ABCA9: variants seen among roughly 807,000 people sequenced by gnomAD.
ABCA9 encodes the protein ATP-binding cassette sub-family A member 9.
ABCA9 carries 183 observed loss-of-function variants against 205.3 expected under a neutral mutation model. The observed-to-expected ratio is 0.89, with a 90% CI of 0.79 to 1.01. ABCA9 has a LOEUF of 1.01. Among genes scored for constraint, ABCA9 ranks in the 50% least tolerant of loss-of-function variants. ABCA9 has a pLI of 0.00. For missense variants in ABCA9, 1,805 were observed against 1,912.4 expected (o/e 0.94, Z 1.05); for synonymous variants, 651 against 683.3 (o/e 0.95, Z 0.74).
chr17:69,026,262 T>A lies in ABCA9; in HGVS notation c.2141+115A>T. ...AATTATGCCTTAGTTCTACCATAGC[T>A]CCCTTGAAATGAACTTAGTGGTTAT... On this transcript the variant is annotated intron_variant, in intron 16 of 38. Transcript: ENST00000340001. 4.0e-6 allele frequency: 3 copies of A among 754,404 alleles called. 1 individual carries two copies. Among genetic ancestry groups the A allele is most frequent in the Non-Finnish European group, 4.4e-6 (2 of 452,294 alleles). 46.7% of individuals were successfully genotyped at this position (754,404 alleles called of 1,614,324 possible). A position where few individuals can be genotyped will look rare whatever the true frequency, so the allele number is the denominator to read the frequency against.
At position 69,049,572 on chromosome 17, in the gene ABCA9, T is replaced by C. The variant is rs1026675148; in HGVS notation, c.97-82A>G. The C allele has an allele frequency of 2.7e-6, 3 of 1,117,104 alleles. No homozygotes were observed. The African/African-American group carries it at 4.8e-5, about 18-fold the overall frequency. 69.2% of individuals were successfully genotyped at this position (1,117,104 alleles called of 1,614,324 possible). On this transcript the variant is annotated intron_variant, in intron 2 of 38. Coordinates refer to ENST00000340001, the MANE Select transcript of ABCA9 (RefSeq NM_080283.4). Reference sequence around the variant, plus strand: ...ATCATCCACAAACAGTTTGAAATACTTAATTCTGTTATTTGGCTTGCATTC... The same window carrying C: ...ATCATCCACAAACAGTTTGAAATACCTAATTCTGTTATTTGGCTTGCATTC...
At chr17:69,040,804 T>C (rs1598403990) in intron 6 of ABCA9, among the ~76,000 whole-genome samples, 2 of 150,084 alleles carry the variant, frequency 1.3e-5, no homozygotes, top group East Asian at 3.9e-4. Context: ...GATAATTAGA[T>C]ATAGATACAC....
At chr17:69,045,956 A>T (rs1165889815) in intron 3 of ABCA9, among the ~76,000 whole-genome samples, 1 of 152,182 alleles carries the variant, frequency 6.6e-6, no homozygotes, top group Non-Finnish European at 1.5e-5. Flanking sequence ...TCAAACAATA[A>T]TTTAACGCAC....
chr17:68,999,703 C>T (rs1235054049), intron 25 of ABCA9, among the ~76,000 whole-genome samples: 1 of 152,184 alleles, frequency 6.6e-6, no homozygotes, highest in Non-Finnish European at 1.5e-5. Context: ...AATCGCCACA[C>T]TGACTTCCAC....
chr17:68,993,362 A>G (rs2069517202), intron 26 of ABCA9, among the ~76,000 whole-genome samples: 1 of 152,198 alleles, frequency 6.6e-6, no homozygotes. Context: ...GATCCTTTGA[A>G]GCAATGCCAA....
At chr17:69,043,309 A>C in intron 6 of ABCA9, 180 bp downstream of exon 6, 1 of 544,986 alleles carries the variant, frequency 1.8e-6, no homozygotes, top group Non-Finnish European at 3.2e-6. Context: ...CTGTAAATAT[A>C]CATGAAGCTT....
upstream of ABCA9, among the ~76,000 whole-genome samples, chr17:69,065,470 A>AT (rs755370419): frequency 2.7e-4 from 40 of 150,810 alleles, no homozygotes; most frequent in South Asian, 6.3e-4. Context: ...ATGTACAAGA[A>AT]TTTTTTTTTT....
At position 69,027,575 on chromosome 17, in the gene ABCA9, C is replaced by A. The variant is rs923817639; in HGVS notation, c.1791+65G>T. The A allele has an allele frequency of 6.9e-5, 109 of 1,577,562 alleles. No individual in the cohort carries two copies. The African/African-American group carries it at 1.2e-3, about 17-fold the overall frequency. ...AGATGAGGAATTATGTATAACTTAG[C>A]ACAATATTTTCTAGATAAACCGTCT... is the stretch of plus-strand genomic sequence containing the variant. On this transcript the variant is annotated intron_variant, in intron 13 of 38. Coordinates refer to ENST00000340001, the MANE Select transcript of ABCA9 (RefSeq NM_080283.4).
Position 69,028,548 on chromosome 17 carries a change from T to C in ABCA9, c.1602A>G (p.Ser534=). ...TTLLNILSGL[S]VPTSGSVTVY... ...CTGTCTTCTTACCTGATGTTGGAAC[T>C]GACAACCCACTAAGTATGTTTAACA... is the stretch of plus-strand genomic sequence containing the variant. Residue 534 remains serine (S), a synonymous_variant, in exon 12 of 39, where the codon TCA becomes TCG. Transcript: ENST00000340001. 6.2e-7 allele frequency: 1 copy of C among 1,602,968 alleles called. No homozygotes were observed. The highest frequency in any genetic ancestry group is 2.2e-5 in the East Asian group (1 of 44,548).
Position 69,049,383 on chromosome 17 carries a change from T to C in ABCA9, c.204A>G (p.Val68=), listed in dbSNP as rs1434828616. 2 of 1,612,996 alleles carry C rather than the reference T, an allele frequency of 1.2e-6. No homozygotes were observed. Among genetic ancestry groups the C allele is most frequent in the Non-Finnish European group, 1.7e-6 (2 of 1,179,246 alleles). Residue 68 remains valine (V), a synonymous_variant, in exon 3 of 39, where the codon GTA becomes GTG. Transcript: ENST00000340001. ...PQMSSMDLGR[V]DSFNDTNYVI... ...CATAATTAGTATCATTAAAACTATC[T>C]ACACGTCCCAGATCCATTGAAGACA...
chr17:69,063,285 T>C (rs1390087658), upstream of ABCA9, among the ~76,000 whole-genome samples: 1 of 152,228 alleles, frequency 6.6e-6, no homozygotes, highest in Admixed American at 6.5e-5. Context: ...AGAAACCTTA[T>C]AAATTTCATG....
At position 69,018,537 on chromosome 17, in the gene ABCA9, T is replaced by C. The variant is rs2070712637; in HGVS notation, c.2643A>G (p.Glu881=). 3 of 1,603,602 alleles carry C rather than the reference T, an allele frequency of 1.9e-6. No homozygotes were observed. The highest frequency in any genetic ancestry group is 2.6e-6 in the Non-Finnish European group (3 of 1,176,352). The change falls in exon 20 of 39, where the codon GAA becomes GAG. Residue 881 remains glutamate (E), a synonymous_variant. Transcript: ENST00000340001. ...TCTGATATGACTCGTAGAATAGATG[T>C]TCCAAAAGTTGAGGGATAAAGCTAA... ...FGISFIPQLL[E]HLFYESYQKS...
intron 1 of ABCA9, among the ~76,000 whole-genome samples, chr17:69,056,116 A>G (rs1014912401): frequency 1.3e-5 from 2 of 152,166 alleles, no homozygotes; most frequent in African/African-American, 4.8e-5. Context: ...TTAGAAAAAG[A>G]AAAGCAAATT....
In ABCA9 at chr17:69,004,190, C is replaced by T. The variant is rs556418349; in HGVS notation, c.3435+3569G>A. Among the ~76,000 whole-genome samples, 22 of 152,256 alleles carry T rather than the reference C, an allele frequency of 1.4e-4. No individual in the cohort carries two copies. The East Asian group carries it at 2.5e-3, about 17-fold the overall frequency. On this transcript the variant is annotated intron_variant, in intron 25 of 38. Transcript: ENST00000340001. ...CTGCACTCCTTTGGAGGAGGAGAGG[C>T]GCTCTGATTTTTAGAGTTTCCAGTT... is the stretch of plus-strand genomic sequence containing the variant.
intron 22 of ABCA9, among the ~76,000 whole-genome samples, chr17:69,014,925 G>A (rs1211274089): frequency 6.6e-6 from 1 of 152,102 alleles, no homozygotes; most frequent in African/African-American, 2.4e-5. Flanking sequence ...GAAGGGTCTG[G>A]GGCCAAGCTA....
Position 69,027,747 on chromosome 17 carries a change from C to T in ABCA9, c.1684G>A (p.Gly562Arg). Residue 562 changes from glycine to arginine, a missense_variant, in exon 13 of 39, where the codon GGA becomes AGA. Coordinates refer to ENST00000340001, the MANE Select transcript of ABCA9 (RefSeq NM_080283.4). ...TGCACATTGGATTGTGGACAAAATCCAGTGAACTTGCTGATATTTTCTATA... is the reference window on the plus strand; with the variant it reads ...TGCACATTGGATTGTGGACAAAATCTAGTGAACTTGCTGATATTTTCTATA... The part of the protein sequence containing the change: ...ADIENISKFT[G>R]FCPQSNVQFG... 6.2e-7 allele frequency: 1 copy of T among 1,612,844 alleles called. No individual in the cohort carries two copies. The highest frequency in any genetic ancestry group is 1.1e-5 in the South Asian group (1 of 91,014).
intron 15 of ABCA9, 64 bp downstream of exon 15, chr17:69,026,912 C>T: frequency 6.4e-7 from 1 of 1,567,660 alleles, no homozygotes; most frequent in Non-Finnish European, 8.7e-7. Flanking sequence ...GTGGAGCATA[C>T]CTGTTCATAT....
At position 69,008,091 on chromosome 17, in the gene ABCA9, T is replaced by C. The variant is rs199538798; in HGVS notation, c.3292A>G (p.Ile1098Val). Residue 1098 changes from isoleucine (I) to valine (V), a missense_variant, in exon 24 of 39, where the codon ATA becomes GTA. Physicochemically the swap from Ile to Val is conservative, Grantham distance 29. Coordinates refer to ENST00000340001, the MANE Select transcript of ABCA9 (RefSeq NM_080283.4). ...ATTAACAGGTTTTGAATTATAAATA[T>C]AATCTCCTCTGGGCTAAAAATATAA... ...MDYIFSPEEIIFIIQNLLIQI... is the reference protein window; with the variant it reads ...MDYIFSPEEIVFIIQNLLIQI... 37 of 1,610,472 alleles carry C rather than the reference T, an allele frequency of 2.3e-5. No homozygotes were observed. The African/African-American group carries it at 4.7e-4, about 20-fold the overall frequency.
At chr17:68,987,364 A>G (rs760859849) in intron 31 of ABCA9, among the ~76,000 whole-genome samples, 7 of 152,240 alleles carry the variant, frequency 4.6e-5, no homozygotes, top group Non-Finnish European at 8.8e-5. Flanking sequence ...AACATAAAAT[A>G]TAAGTAGTAA....
Sources: allele counts gnomAD v4.1 joint callset (sites outside exome capture counted in the v4.1 genomes callset), GRCh38; gene constraint gnomAD v4.1.1; transcripts MANE v1.5; gene names NCBI Gene and HGNC (gene_info 2026-07-23, HGNC 2026-07-21).